EPG5: variants seen among roughly 807,000 people sequenced by gnomAD.
EPG5 encodes ectopic P granules protein 5 homolog.
Under a neutral mutation model 302.7 loss-of-function variants are expected in EPG5, and 159 were observed. The observed-to-expected ratio is 0.53, with a 90% CI of 0.46 to 0.60. The LOEUF (loss-of-function observed/expected upper bound fraction) is 0.60. Among genes scored for constraint, EPG5 ranks in the 20% least tolerant of loss-of-function variants. EPG5 has a pLI of 0.00. For synonymous variants in EPG5, 1,158 were observed against 1,136.8 expected (o/e 1.02, Z -0.37); for missense variants, 2,896 against 3,092.4 (o/e 0.94, Z 1.51).
At chr18:45,961,195 T>C (rs921228889) in intron 1 of EPG5, among the ~76,000 whole-genome samples, 3 of 152,200 alleles carry the variant, frequency 2.0e-5, no homozygotes, top group African/African-American at 7.2e-5. Flanking sequence ...TGGTCTCTGC[T>C]TCTACCCTTG....
At chr18:45,950,228 T>C (rs2050875307) in intron 4 of EPG5, among the ~76,000 whole-genome samples, 1 of 152,202 alleles carries the variant, frequency 6.6e-6, no homozygotes, top group African/African-American at 2.4e-5. Flanking sequence ...TTTGGAATAT[T>C]TGCATAAACA....
intron 43 of EPG5, 35 bp from the exon 44 acceptor site, chr18:45,852,684 T>A (rs750795761): frequency 1.5e-5 from 23 of 1,576,616 alleles, no homozygotes; most frequent in Non-Finnish European, 1.9e-5. Context: ...GTTAACTCCA[T>A]AGAGGCACAT....
chr18:45,869,090 T>C (rs577271321), intron 36 of EPG5, among the ~76,000 whole-genome samples: 46 of 151,392 alleles, frequency 3.0e-4, no homozygotes, highest in African/African-American at 1.1e-3. Context: ...GAGGAACAGA[T>C]GTACTATAAA....
intron 12 of EPG5, 65 bp from the exon 13 acceptor site, chr18:45,929,074 A>T: frequency 6.7e-7 from 1 of 1,484,792 alleles, no homozygotes; most frequent in South Asian, 1.2e-5. Context: ...AAACACACTT[A>T]TATCATTTTT....
In EPG5 at chr18:45,922,541, T is replaced by C. The variant is rs777041802; in HGVS notation, c.2898A>G (p.Gln966=). ...GCCTCAAGATTAAATTCCAGGCCCATTGGTTAAATGAGGTCTCGGGTGTCT... is the reference window on the plus strand; with the variant it reads ...GCCTCAAGATTAAATTCCAGGCCCACTGGTTAAATGAGGTCTCGGGTGTCT... ...YGETPETSFN[Q]WAWNLILRLK... The change falls in exon 16 of 44, where the codon CAA becomes CAG. Residue 966 remains glutamine, a synonymous_variant. Coordinates refer to ENST00000282041, the MANE Select transcript of EPG5 (RefSeq NM_020964.3). 3 of 1,614,046 alleles carry C rather than the reference T, an allele frequency of 1.9e-6. No individual in the cohort carries two copies. The highest frequency in any genetic ancestry group is 4.5e-5 in the East Asian group (2 of 44,896).
At chr18:45,916,743 A>C in intron 17 of EPG5, 161 bp from the exon 18 acceptor site, 1 of 662,918 alleles carries the variant, frequency 1.5e-6, no homozygotes, top group East Asian at 3.0e-5. Flanking sequence ...TTTCACATTT[A>C]ACATGGGTTA....
intron 1 of EPG5, among the ~76,000 whole-genome samples, chr18:45,966,240 CAG>C (rs2051255077): frequency 6.6e-6 from 1 of 151,064 alleles, no homozygotes; most frequent in African/African-American, 2.4e-5. Flanking sequence ...GGCGTGGTGG[CAG>C]GCGCCTGTAG....
At chr18:45,938,461 CAAA>C (rs201985053) in intron 10 of EPG5, among the ~76,000 whole-genome samples, 4 of 88,574 alleles carry the variant, frequency 4.5e-5, no homozygotes, top group Admixed American at 1.1e-4. Flanking sequence ...GACTCCATCT[CAAA>C]AAAAAAAAAA....
chr18:45,928,873 C>A lies in EPG5; in HGVS notation c.2549G>T (p.Gly850Val), dbSNP rs758915121. The A allele has an allele frequency of 6.2e-7, 1 of 1,612,136 alleles. No homozygotes were observed. Among genetic ancestry groups the A allele is most frequent in the Admixed American group, 1.7e-5 (1 of 59,610 alleles). ...AAACAAAATCAGTGCTCTTACCATT[C>A]CAACCTGGTCAATGGTCTCTTGAAC... ...DRVQETIDQV[G>V]MVSLYLFKEL... is the part of the protein sequence containing the mutation. Residue 850 changes from glycine (G) to valine (V), a missense_variant, in exon 13 of 44, where the codon GGA becomes GTA. Around this residue, in one of 5 missense-constraint regions of EPG5, gnomAD observed 1,390 missense variants for 1,430.0 expected, o/e 0.97. Coordinates refer to ENST00000282041, the MANE Select transcript of EPG5 (RefSeq NM_020964.3).
chr18:45,925,759 C>T lies in EPG5; in HGVS notation c.2697G>A (p.Leu899=), dbSNP rs1599585460. The change falls in exon 14 of 44, where the codon CTG becomes CTA. Residue 899 remains leucine (L), a synonymous_variant. Coordinates refer to ENST00000282041, the MANE Select transcript of EPG5 (RefSeq NM_020964.3). ...ATACCTGTTTAGCAAATCCCCAATT[C>T]AGTCCTTCAAGAATAACACAGGCCA... is the stretch of plus-strand genomic sequence containing the variant. ...NKLACVILEG[L]NWGFAKQATL... is the part of the protein sequence containing the mutation. The T allele has an allele frequency of 3.9e-6, 6 of 1,556,704 alleles. No individual in the cohort carries two copies. Among genetic ancestry groups the T allele is most frequent in the Non-Finnish European group, 5.2e-6 (6 of 1,157,412 alleles).
At chr18:45,883,614 GTTTTT>G (rs1174930322) in intron 30 of EPG5, among the ~76,000 whole-genome samples, 1 of 60,718 alleles carries the variant, frequency 1.6e-5, no homozygotes, top group Non-Finnish European at 3.4e-5. Context: ...CTAGCCTGGT[GTTTTT>G]TTTTTTTTTT....
chr18:45,835,203 A>G, the EPG5 span, among the ~76,000 whole-genome samples: 1 of 152,236 alleles, frequency 6.6e-6, no homozygotes, highest in Non-Finnish European at 1.5e-5. Flanking sequence ...AAGAAGCAGA[A>G]GTTGAGCAGC....
At chr18:45,914,186 T>C (rs2049974720) in intron 20 of EPG5, among the ~76,000 whole-genome samples, 1 of 152,158 alleles carries the variant, frequency 6.6e-6, no homozygotes, top group Non-Finnish European at 1.5e-5. Context: ...AAGACTAATA[T>C]ATAAGTAAGC....
chr18:45,916,392 TG>T lies in EPG5; in HGVS notation c.3384+45del, dbSNP rs145864065. The T allele has an allele frequency of 0.012, 19,540 of 1,592,238 alleles. 163 individuals are homozygous for T. The highest frequency in any genetic ancestry group is 0.015 in the Non-Finnish European group (17,034 of 1,164,108). ...GTGTGCTAACGCTAGAGGTCTTGGT[TG>T]GGAAGACAGGCGGGAGTGTGCTTAG... On this transcript the variant is annotated intron_variant, in intron 18 of 43. Coordinates refer to ENST00000282041, the MANE Select transcript of EPG5 (RefSeq NM_020964.3).
chr18:45,956,890 G>T (rs2051045741), intron 1 of EPG5, among the ~76,000 whole-genome samples: 1 of 135,476 alleles, frequency 7.4e-6, no homozygotes, highest in East Asian at 2.1e-4. Context: ...TCATAAAAAA[G>T]CTGTTCACTA....
the EPG5 span, among the ~76,000 whole-genome samples, chr18:45,811,673 T>A: frequency 1.3e-5 from 2 of 152,186 alleles, no homozygotes; most frequent in Non-Finnish European, 2.9e-5. Flanking sequence ...AACCACATGA[T>A]TATCTCAATA....
At position 45,855,588 on chromosome 18, in the gene EPG5, G is replaced by C. The variant is rs776306978; in HGVS notation, c.7542C>G (p.Thr2514=). The change falls in exon 43 of 44, where the codon ACC becomes ACG. Residue 2514 remains threonine, a synonymous_variant. Transcript: ENST00000282041. ...RLRPGSELHL[T]PKAQQALNAL... is the part of the protein sequence containing the mutation. ...ATATACTGACCTGCTGAGCTTTGGG[G>C]GTCAGATGTAATTCAGAGCCAGGCC... is the stretch of plus-strand genomic sequence containing the variant. The C allele has an allele frequency of 6.2e-7, 1 of 1,613,574 alleles. No individual in the cohort carries two copies. Among genetic ancestry groups the C allele is most frequent in the Non-Finnish European group, 8.5e-7 (1 of 1,179,680 alleles).
At chr18:45,909,976 A>T (rs1426098786) in intron 23 of EPG5, among the ~76,000 whole-genome samples, 1 of 152,128 alleles carries the variant, frequency 6.6e-6, no homozygotes, top group Non-Finnish European at 1.5e-5. Flanking sequence ...CCTTCTTAAA[A>T]AAAGAACTAT....
At chr18:45,955,540 C>T (rs938105421) in intron 1 of EPG5, among the ~76,000 whole-genome samples, 2 of 152,086 alleles carry the variant, frequency 1.3e-5, no homozygotes, top group Non-Finnish European at 2.9e-5. Flanking sequence ...CAATATTGAG[C>T]GTGTTAAATT....
Sources: allele counts gnomAD v4.1 joint callset (sites outside exome capture counted in the v4.1 genomes callset), GRCh38; gene constraint gnomAD v4.1.1; regional missense constraint gnomAD v4.1.1; transcripts MANE v1.5; gene names NCBI Gene and HGNC (gene_info 2026-07-23, HGNC 2026-07-21).